Variants in SPRY3 observed in about 807,000 individuals in gnomAD.
The protein encoded by SPRY3 is protein sprouty homolog 3.
Under a neutral mutation model 20.2 loss-of-function variants are expected in SPRY3, and 15 were observed. The observed-to-expected ratio is 0.74, with a 90% CI of 0.50 to 1.14. The LOEUF is 1.14. Ranked by LOEUF, SPRY3 falls within the 50% of genes most tolerant of loss-of-function variation. The pLI is 0.00. For synonymous variants in SPRY3, 143 were observed against 136.5 expected (o/e 1.05, Z -0.33); for missense variants, 364 against 363.9 (o/e 1.00, Z 0.00).
At chrX:155,774,082 C>G in exon 4 of SPRY3, 1 of 1,614,002 alleles carries the variant, frequency 6.2e-7, no homozygotes. Flanking sequence ...CCAGTGCCAT[C>G]AACTGCAGCC....
At position 155,774,585 on chromosome X, in the gene SPRY3, C is replaced by A; in HGVS notation, c.714C>A (p.Tyr238Ter). 1 of 1,614,018 alleles carries A rather than the reference C, an allele frequency of 6.2e-7. No homozygotes were observed. The highest frequency in any genetic ancestry group is 8.5e-7 in the Non-Finnish European group (1 of 1,179,882). Reference sequence around the variant, plus strand: ...TCTTCCTACCCTGCCTGTGCTGCTACCTGCCTACCCGTGGATGCCTCCATC... The same window carrying A: ...TCTTCCTACCCTGCCTGTGCTGCTAACTGCCTACCCGTGGATGCCTCCATC... The change falls in exon 4 of 4, where the codon TAC becomes TAA. Residue 238 changes from tyrosine to a stop codon, truncating the protein, a stop_gained. Coordinates refer to ENST00000675360, the Ensembl canonical transcript of SPRY3. LOFTEE classifies it high-confidence loss of function.
At chrX:155,728,866 G>A (rs1183475287) in intron 2 of SPRY3, among the ~76,000 whole-genome samples, 1 of 152,026 alleles carries the variant, frequency 6.6e-6, no homozygotes, top group Non-Finnish European at 1.5e-5. Context: ...AAAAATAAAG[G>A]AATGGAAAAG....
intron 2 of SPRY3, among the ~76,000 whole-genome samples, chrX:155,731,243 T>C (rs1168717598): frequency 2.6e-5 from 4 of 152,050 alleles, no homozygotes; most frequent in African/African-American, 4.8e-5. Flanking sequence ...AGGATCACAT[T>C]ACCTGATTTC....
At chrX:155,674,058 A>G (rs1466811460) in intron 2 of SPRY3, among the ~76,000 whole-genome samples, 2 of 111,746 alleles carry the variant, frequency 1.8e-5, no homozygotes, top group Non-Finnish European at 3.8e-5. Context: ...TGGAAAATTC[A>G]CTCATCATAA....
intron 1 of SPRY3, among the ~76,000 whole-genome samples, chrX:155,653,691 T>C (rs782088668): frequency 8.9e-6 from 1 of 112,437 alleles, no homozygotes; most frequent in East Asian, 2.8e-4. Flanking sequence ...GTGTGAGTCT[T>C]CCAACTTTTT....
At chrX:155,648,022 T>C (rs1039092369) in intron 1 of SPRY3, among the ~76,000 whole-genome samples, 2 of 112,247 alleles carry the variant, frequency 1.8e-5, no homozygotes, top group Admixed American at 9.4e-5. Flanking sequence ...TGGTATCTCA[T>C]TGTGGTTTTG....
intron 2 of SPRY3, among the ~76,000 whole-genome samples, chrX:155,748,737 C>G (rs1441276297): frequency 6.6e-6 from 1 of 151,772 alleles, no homozygotes; most frequent in African/African-American, 2.4e-5. Context: ...AGCTAACCAT[C>G]CACCATGAAG....
chrX:155,771,464 G>T (rs913645629), intron 3 of SPRY3, among the ~76,000 whole-genome samples: 1 of 152,026 alleles, frequency 6.6e-6, no homozygotes, highest in Non-Finnish European at 1.5e-5. Flanking sequence ...AATATGTTTT[G>T]AATCTAGTTT....
intron 2 of SPRY3, among the ~76,000 whole-genome samples, chrX:155,700,633 T>A (rs1231767919): frequency 2.5e-5 from 2 of 81,365 alleles, no homozygotes; most frequent in Admixed American, 1.3e-4. Flanking sequence ...TTTTTTTTTT[T>A]ATTATACTCT....
chrX:155,615,860 G>A (rs1191472677), intron 1 of SPRY3, among the ~76,000 whole-genome samples: 1 of 111,105 alleles, frequency 9.0e-6, no homozygotes, highest in Non-Finnish European at 1.9e-5. Flanking sequence ...CAGTGAAGAA[G>A]TATTAATTAG....
At chrX:155,766,911 G>A (rs1252510515) in intron 2 of SPRY3, among the ~76,000 whole-genome samples, 1 of 152,186 alleles carries the variant, frequency 6.6e-6, no homozygotes, top group African/African-American at 2.4e-5. Context: ...GGGAACACAT[G>A]AGGAAGAGGT....
chrX:155,758,465 C>G (rs1374700854), intron 2 of SPRY3, among the ~76,000 whole-genome samples: 1 of 152,168 alleles, frequency 6.6e-6, no homozygotes, highest in African/African-American at 2.4e-5. Flanking sequence ...TCTCCATCCC[C>G]ATAGGCTTTT....
intron 2 of SPRY3, among the ~76,000 whole-genome samples, chrX:155,762,448 A>C (rs2091308078): frequency 6.6e-6 from 1 of 152,214 alleles, no homozygotes; most frequent in African/African-American, 2.4e-5. Flanking sequence ...TGTAGAGAAA[A>C]TAATATTTGA....
At chrX:155,641,694 GT>G (rs1439363092) in intron 1 of SPRY3, among the ~76,000 whole-genome samples, 2 of 115,098 alleles carry the variant, frequency 1.7e-5, no homozygotes, top group Non-Finnish European at 3.7e-5. Context: ...GTAACTTAAG[GT>G]TTATCTACTT....
chrX:155,710,668 G>A (rs1007513453), intron 2 of SPRY3, among the ~76,000 whole-genome samples: 10 of 151,560 alleles, frequency 6.6e-5, no homozygotes, highest in African/African-American at 2.4e-5. Context: ...TCTCTTGTCT[G>A]ATTGCTCTAG....
In SPRY3 at chrX:155,773,762, C is replaced by T. The variant is rs989269883; in HGVS notation, c.-106-4C>T. On this transcript the variant is annotated splice_polypyrimidine_tract_variant and splice_region_variant and intron_variant, in intron 3 of 3. Transcript: ENST00000675360. ...ATTTACTGTTTTTATGCCTTCTCTC[C>T]TAGGATTTTCTCATGTGCCCTGAAA... The T allele has an allele frequency of 7.6e-7, 1 of 1,315,028 alleles. No homozygotes were observed. The highest frequency in any genetic ancestry group is 1.5e-5 in the African/African-American group (1 of 67,562). 81.5% of individuals were successfully genotyped at this position (1,315,028 alleles called of 1,614,324 possible).
At chrX:155,647,101 A>G (rs1361819173) in intron 1 of SPRY3, among the ~76,000 whole-genome samples, 1 of 110,971 alleles carries the variant, frequency 9.0e-6, no homozygotes, top group Non-Finnish European at 1.9e-5. Flanking sequence ...TTCAAGTCCA[A>G]TGTTTCCCTT....
chrX:155,724,525 G>T (rs2091084507), intron 2 of SPRY3, among the ~76,000 whole-genome samples: 2 of 152,046 alleles, frequency 1.3e-5, no homozygotes, highest in Admixed American at 6.6e-5. Context: ...GGATTCCTAG[G>T]ATTCCGAAAT....
intron 3 of SPRY3, among the ~76,000 whole-genome samples, chrX:155,770,609 A>C (rs1603006754): frequency 6.8e-6 from 1 of 147,794 alleles, no homozygotes; most frequent in African/African-American, 2.5e-5. Flanking sequence ...CTCTTATTTA[A>C]TAATATGTGA....
Sources: gnomAD v4.1 joint callset for allele counts (sites outside exome capture counted in the v4.1 genomes callset) on GRCh38, gnomAD v4.1.1 for gene constraint, MANE v1.5 for transcripts, NCBI Gene and HGNC (gene_info 2026-07-23, HGNC 2026-07-21) for gene names.